The following NDUFA12 variants were observed in gnomAD, a reference collection of about 807,000 sequenced individuals.
The protein encoded by NDUFA12 is NADH:ubiquinone oxidoreductase subunit A12, also known as NADH dehydrogenase [ubiquinone] 1 alpha subcomplex subunit 12.
NDUFA12 carries 17 observed loss-of-function variants against 20.3 expected under a neutral mutation model. The observed-to-expected ratio is 0.84, with a 90% CI of 0.57 to 1.26. NDUFA12 has a LOEUF of 1.26. Ranked by LOEUF, NDUFA12 falls within the 50% of genes most tolerant of loss-of-function variation. NDUFA12 has a pLI of 0.00. For synonymous variants in NDUFA12, 72 were observed against 63.6 expected (o/e 1.13, Z -0.63); for missense variants, 191 against 183.7 (o/e 1.04, Z -0.23).
At chr12:94,985,002 C>CATAACATAAAATAACATAAG (rs140889669) in intron 3 of NDUFA12, among the ~76,000 whole-genome samples, 35,626 of 134,216 alleles carry the variant, frequency 0.27, 4,901 homozygotes, top group Non-Finnish European at 0.27. Context: ...CATAACATAA[C>CATAACATAAAATAACATAAG]ATAAAATAAG....
intron 3 of NDUFA12, among the ~76,000 whole-genome samples, chr12:94,982,087 GC>G: frequency 6.6e-6 from 1 of 152,156 alleles, no homozygotes; most frequent in Non-Finnish European, 1.5e-5. Flanking sequence ...GTGAGATTAT[GC>G]AGCTACTGAA....
intron 2 of NDUFA12, among the ~76,000 whole-genome samples, chr12:94,998,921 C>A (rs1874927392): frequency 6.6e-6 from 1 of 152,160 alleles, no homozygotes; most frequent in Admixed American, 6.5e-5. Context: ...AAGCAATCTA[C>A]AGATTCAATG....
At position 94,971,593 on chromosome 12, in the gene NDUFA12, A is replaced by G. The variant is rs1486477074; in HGVS notation, c.285T>C (p.Asp95=). Residue 95 remains aspartate, a synonymous_variant, in exon 4 of 4, where the codon GAT becomes GAC. Coordinates refer to ENST00000327772, the MANE Select transcript of NDUFA12 (RefSeq NM_018838.5). ...EWHRWLHSMT[D]DPPTTKPLTA... ...TAAGTGGTTTTGTTGTTGGAGGATC[A>G]TCAGTCATACTGTGAAGCCAACGAT... 1.9e-6 allele frequency: 3 copies of G among 1,614,224 alleles called. No homozygotes were observed. The Admixed American group carries it at 5.0e-5, about 27-fold the overall frequency.
At chr12:94,978,301 T>C (rs146166048) in intron 3 of NDUFA12, among the ~76,000 whole-genome samples, 1 of 152,258 alleles carries the variant, frequency 6.6e-6, no homozygotes, top group African/African-American at 2.4e-5. Flanking sequence ...GAGGTGACTG[T>C]AGATGTCCAG....
At chr12:94,972,715 G>A (rs971306778) in intron 3 of NDUFA12, among the ~76,000 whole-genome samples, 4 of 152,084 alleles carry the variant, frequency 2.6e-5, no homozygotes, top group Admixed American at 1.3e-4. Context: ...AAGTTAAATC[G>A]ACCCCCAATT....
chr12:94,999,365 T>C (rs921048690), intron 2 of NDUFA12, among the ~76,000 whole-genome samples: 1 of 152,190 alleles, frequency 6.6e-6, no homozygotes, highest in Non-Finnish European at 1.5e-5. Flanking sequence ...ATCTAAGACC[T>C]GAAAACATAA....
At chr12:95,001,505 GTAATCCCA>G (rs1267023653) in intron 2 of NDUFA12, among the ~76,000 whole-genome samples, 1 of 152,022 alleles carries the variant, frequency 6.6e-6, no homozygotes, top group East Asian at 1.9e-4. Flanking sequence ...ACACATGCCT[GTAATCCCA>G]GCTACTTGGG....
chr12:94,975,917 G>C (rs1874050457), intron 3 of NDUFA12, among the ~76,000 whole-genome samples: 2 of 152,002 alleles, frequency 1.3e-5, no homozygotes, highest in South Asian at 4.1e-4. Flanking sequence ...ATGGTGGCAG[G>C]CACCTGTAGT....
intron 3 of NDUFA12, among the ~76,000 whole-genome samples, chr12:94,982,738 G>A (rs1422722096): frequency 6.6e-6 from 1 of 152,022 alleles, no homozygotes; most frequent in Non-Finnish European, 1.5e-5. Context: ...TTCCCACAGG[G>A]TCATGCCAGT....
intron 2 of NDUFA12, among the ~76,000 whole-genome samples, chr12:95,001,501 G>A (rs1378010331): frequency 6.6e-6 from 1 of 151,972 alleles, no homozygotes; most frequent in East Asian, 1.9e-4. Context: ...GGTGACACAT[G>A]CCTGTAATCC....
intron 2 of NDUFA12, among the ~76,000 whole-genome samples, chr12:95,000,833 T>C (rs943913581): frequency 2.0e-5 from 3 of 152,250 alleles, no homozygotes; most frequent in Non-Finnish European, 1.5e-5. Flanking sequence ...GACATCTCTC[T>C]ATATTAAATT....
chr12:95,002,265 C>T (rs1337137203), intron 2 of NDUFA12, among the ~76,000 whole-genome samples: 5 of 150,488 alleles, frequency 3.3e-5, no homozygotes, highest in South Asian at 2.1e-4. Context: ...TATGGTGAAA[C>T]CCCATCTCTA....
Position 94,971,447 on chromosome 12 carries a change from T to A in NDUFA12, c.431A>T (p.Tyr144Phe), listed in dbSNP as rs1413252374. ...IQEWIPPSTP[Y>F]K is the part of the protein sequence containing the mutation. ...AACTGTTCTTCATTGTCTTTACTTG[T>A]AAGGTGTTGAAGGTGGGATCCACTC... The change falls in exon 4 of 4, where the codon TAC (tyrosine) becomes TTC (phenylalanine). Residue 144 changes from tyrosine to phenylalanine, a missense_variant. Transcript: ENST00000327772. The A allele has an allele frequency of 1.9e-6, 3 of 1,613,990 alleles. No homozygotes were observed. The East Asian group carries it at 6.7e-5, about 36-fold the overall frequency.
At position 94,971,478 on chromosome 12, in the gene NDUFA12, T is replaced by C. The variant is rs1176859773; in HGVS notation, c.400A>G (p.Ile134Val). 6.2e-7 allele frequency: 1 copy of C among 1,609,398 alleles called. No individual in the cohort carries two copies. The highest frequency in any genetic ancestry group is 8.5e-7 in the Non-Finnish European group (1 of 1,175,660). ...YVPYSTTRKK[I>V]QEWIPPSTPY... ...GTTGAAGGTGGGATCCACTCCTGAATCTTCTTTCTAGTGGTAGAATAAGGT... is the reference window on the plus strand; with the variant it reads ...GTTGAAGGTGGGATCCACTCCTGAACCTTCTTTCTAGTGGTAGAATAAGGT... The change falls in exon 4 of 4, where the codon ATT becomes GTT. Residue 134 changes from isoleucine (I) to valine (V), a missense_variant. Coordinates refer to ENST00000327772, the MANE Select transcript of NDUFA12 (RefSeq NM_018838.5).
intron 3 of NDUFA12, among the ~76,000 whole-genome samples, chr12:94,977,799 A>G (rs71458570): frequency 6.6e-6 from 1 of 152,208 alleles, no homozygotes; most frequent in Middle Eastern, 3.2e-3. Flanking sequence ...GGGGAAACAT[A>G]CAATAAATTA....
intron 3 of NDUFA12, among the ~76,000 whole-genome samples, chr12:94,984,851 G>A (rs1312183587): frequency 1.3e-5 from 2 of 150,632 alleles, no homozygotes; most frequent in African/African-American, 2.4e-5. Flanking sequence ...GGCAGCGCAC[G>A]CCTGTAATCC....
intron 2 of NDUFA12, 143 bp from the exon 3 acceptor site, chr12:94,994,400 G>T: frequency 3.1e-6 from 2 of 645,336 alleles, no homozygotes; most frequent in Non-Finnish European, 5.3e-6. Context: ...TAACACCCTG[G>T]GTGAATTCGT....
intron 3 of NDUFA12, among the ~76,000 whole-genome samples, chr12:94,988,802 G>A (rs118000778): frequency 6.6e-6 from 1 of 152,216 alleles, no homozygotes; most frequent in Non-Finnish European, 1.5e-5. Context: ...GCCATTTTAG[G>A]CATCAGCCCA....
intron 3 of NDUFA12, among the ~76,000 whole-genome samples, chr12:94,991,860 T>G (rs58398166): frequency 0.022 from 3,343 of 152,308 alleles, 119 homozygotes; most frequent in African/African-American, 0.076. Context: ...ATAAGCCTGC[T>G]GCCCTCTTTG....
Sources: allele counts gnomAD v4.1 joint callset (sites outside exome capture counted in the v4.1 genomes callset), GRCh38; gene constraint gnomAD v4.1.1; transcripts MANE v1.5; gene names NCBI Gene and HGNC (gene_info 2026-07-23, HGNC 2026-07-21).